Variants in GABRG3 observed in about 807,000 individuals in gnomAD.
GABRG3 encodes gamma-aminobutyric acid type A receptor subunit gamma3.
GABRG3 carries 25 observed loss-of-function variants against 48.8 expected under a neutral mutation model. The ratio of observed to expected loss-of-function variants is 0.51; its 90% CI spans 0.37 to 0.72. GABRG3 has a LOEUF of 0.72. Ranked by LOEUF, GABRG3 falls within the 30% of genes least tolerant of loss-of-function variation. The probability of loss-of-function intolerance (pLI) is 0.00; values close to 1 mark genes in which losing one functional copy is unlikely to be tolerated. For missense variants in GABRG3, 394 were observed against 577.9 expected (o/e 0.68, Z 3.26); for synonymous variants, 227 against 217.6 (o/e 1.04, Z -0.38).
intron 5 of GABRG3, among the ~76,000 whole-genome samples, chr15:27,398,643 G>A (rs553592569): frequency 6.6e-6 from 1 of 151,284 alleles, no homozygotes; most frequent in African/African-American, 2.4e-5. Context: ...CATATGTTTG[G>A]GTAGGGGAGA....
chr15:27,134,546 G>T (rs140591660), intron 3 of GABRG3, among the ~76,000 whole-genome samples: 1 of 152,254 alleles, frequency 6.6e-6, no homozygotes, highest in East Asian at 1.9e-4. Context: ...TAGCACTGCT[G>T]AGGCCCTGTG....
chr15:27,351,075 G>C (rs544456196), intron 5 of GABRG3, among the ~76,000 whole-genome samples: 1 of 149,818 alleles, frequency 6.7e-6, no homozygotes, highest in African/African-American at 2.5e-5. Context: ...TGTATGGTAT[G>C]TGTGTGTATA....
chr15:27,410,522 G>A (rs1887763538), intron 5 of GABRG3, among the ~76,000 whole-genome samples: 1 of 152,098 alleles, frequency 6.6e-6, no homozygotes, highest in African/African-American at 2.4e-5. Context: ...TTTCCAGAAG[G>A]TTTAAAAATT....
chr15:27,012,692 T>A (rs1895711295), intron 2 of GABRG3, among the ~76,000 whole-genome samples: 2 of 152,176 alleles, frequency 1.3e-5, no homozygotes. Flanking sequence ...AGTACCTGGT[T>A]TTATTCCTTT....
At chr15:27,243,517 A>G (rs1244409726) in intron 3 of GABRG3, among the ~76,000 whole-genome samples, 1 of 152,082 alleles carries the variant, frequency 6.6e-6, no homozygotes, top group East Asian at 1.9e-4. Flanking sequence ...GTTAGGGGGC[A>G]TATTTGGCTT....
At chr15:27,197,680 A>G (rs1036958056) in intron 3 of GABRG3, among the ~76,000 whole-genome samples, 4 of 152,128 alleles carry the variant, frequency 2.6e-5, no homozygotes, top group Non-Finnish European at 4.4e-5. Flanking sequence ...TTTAGAAGGA[A>G]TGGTACCAGC....
intron 3 of GABRG3, among the ~76,000 whole-genome samples, chr15:27,117,828 G>A (rs1159854226): frequency 1.1e-4 from 17 of 152,166 alleles, no homozygotes; most frequent in African/African-American, 4.1e-4. Flanking sequence ...TAAGCCCAGT[G>A]AATGTGCTTA....
intron 3 of GABRG3, among the ~76,000 whole-genome samples, chr15:27,136,589 A>G (rs1306420255): frequency 1.3e-5 from 2 of 152,148 alleles, no homozygotes; most frequent in African/African-American, 4.8e-5. Flanking sequence ...TCTCCAGTGG[A>G]TGATCTCCCG....
chr15:27,383,847 A>G (rs1354690973), intron 5 of GABRG3, among the ~76,000 whole-genome samples: 1 of 152,244 alleles, frequency 6.6e-6, no homozygotes, highest in Non-Finnish European at 1.5e-5. Context: ...TAACTTGTAT[A>G]TAATAAAACA....
At chr15:27,074,079 C>T (rs1255339623) in intron 3 of GABRG3, among the ~76,000 whole-genome samples, 1 of 152,134 alleles carries the variant, frequency 6.6e-6, no homozygotes, top group Non-Finnish European at 1.5e-5. Flanking sequence ...ATGAGGAAGA[C>T]AGAAAAGGGA....
At position 27,062,434 on chromosome 15, in the gene GABRG3, T is replaced by TAAAAA. The variant is rs57903886; in HGVS notation, c.270+35633_270+35637dup. Among the ~76,000 whole-genome samples, 54 of 32,866 alleles carry TAAAAA rather than the reference T, an allele frequency of 1.6e-3. 5 individuals carry two copies. The highest frequency in any genetic ancestry group is 4.4e-3 in the South Asian group (4 of 918). The allele number at this position is 32,866 out of a possible 152,430, so 21.6% of individuals were successfully genotyped here. A position where few individuals can be genotyped will look rare whatever the true frequency, so the allele number is the denominator to read the frequency against. On this transcript the variant is annotated intron_variant, in intron 3 of 9. Coordinates refer to ENST00000615808, the MANE Select transcript of GABRG3 (RefSeq NM_033223.5). ...CAACATGGTGAAACTCCATCTCTAC[T>TAAAAA]AAAAAAAAAAAAAAAAAAAAAAAAT...
At chr15:27,154,835 G>A (rs1384315031) in intron 3 of GABRG3, among the ~76,000 whole-genome samples, 1 of 151,884 alleles carries the variant, frequency 6.6e-6, no homozygotes. Flanking sequence ...GGATGATGGG[G>A]CTTCATAAAA....
At chr15:27,291,019 C>G (rs1404113760) in intron 3 of GABRG3, among the ~76,000 whole-genome samples, 1 of 152,134 alleles carries the variant, frequency 6.6e-6, no homozygotes, top group East Asian at 1.9e-4. Flanking sequence ...ATGGAAAATG[C>G]ATTTGGAGTT....
intron 5 of GABRG3, among the ~76,000 whole-genome samples, chr15:27,477,971 G>A (rs1034150183): frequency 2.0e-5 from 3 of 151,730 alleles, no homozygotes; most frequent in Non-Finnish European, 4.4e-5. Flanking sequence ...GCGTGAACCC[G>A]GAGGCGGAGC....
chr15:27,536,027 T>C lies in GABRG3; in HGVS notation c.*3146T>C, dbSNP rs548754194. On this transcript the variant is annotated 3_prime_UTR_variant, in exon 10 of 10. Coordinates refer to ENST00000615808, the MANE Select transcript of GABRG3 (RefSeq NM_033223.5). The stretch of plus-strand genomic sequence containing the variant: ...GTCTGAGTGATCTGCATTCCAAAGG[T>C]GCTACTGTGTTCCTCACTTTCAGAA... 2.6e-5 allele frequency: 4 copies of C among 152,306 alleles called. No individual in the cohort carries two copies. In the East Asian group the frequency reaches 7.7e-4, roughly 29 times the overall value. The allele number at this position is 152,306 out of a possible 1,614,324, so 9.4% of individuals were successfully genotyped here.
intron 3 of GABRG3, among the ~76,000 whole-genome samples, chr15:27,177,362 C>A (rs1186657895): frequency 6.6e-6 from 1 of 152,180 alleles, no homozygotes; most frequent in Non-Finnish European, 1.5e-5. Context: ...TTGTGACCTC[C>A]AGCTACATGA....
chr15:27,532,427 C>CAAA (rs374534463), intron 9 of GABRG3, among the ~76,000 whole-genome samples, 173 bp from the exon 10 acceptor site: 6,598 of 74,406 alleles, frequency 0.089, 429 homozygotes, highest in African/African-American at 0.22. Flanking sequence ...TCCTTAAAAC[C>CAAA]AAAAAAAAAA....
intron 3 of GABRG3, among the ~76,000 whole-genome samples, chr15:27,227,438 G>T (rs899211461): frequency 1.3e-5 from 2 of 152,130 alleles, no homozygotes; most frequent in African/African-American, 4.8e-5. Flanking sequence ...CATTGAGGCT[G>T]CAGTGAGTCA....
At position 27,447,482 on chromosome 15, in the gene GABRG3, T is replaced by C. The variant is rs1207603810; in HGVS notation, c.575-33168T>C. On this transcript the variant is annotated intron_variant, in intron 5 of 9. Transcript: ENST00000615808. This position sits in a 1 kb window ranked among gnomAD's most constrained non-coding sequence, Gnocchi z 4.0. ...AAGTGTCCAAGTGGGGGAGATGCCATAATTATAGTGAGAAATTAGAAGACT... is the reference window on the plus strand; with the variant it reads ...AAGTGTCCAAGTGGGGGAGATGCCACAATTATAGTGAGAAATTAGAAGACT... 2.6e-5 allele frequency among the ~76,000 whole-genome samples: 4 copies of C among 152,144 alleles called. No homozygotes were observed. Among genetic ancestry groups the C allele is most frequent in the African/African-American group, 9.7e-5 (4 of 41,420 alleles).
Sources: gnomAD v4.1 joint callset for allele counts (sites outside exome capture counted in the v4.1 genomes callset) on GRCh38, gnomAD v4.1.1 for gene constraint, Gnocchi (gnomAD v3.1) non-coding constraint, MANE v1.5 for transcripts, NCBI Gene and HGNC (gene_info 2026-07-23, HGNC 2026-07-21) for gene names.